Variants in SLC25A21 observed in about 807,000 individuals in gnomAD.
The protein encoded by SLC25A21 is solute carrier family 25 member 21.
Under a neutral mutation model 43.8 loss-of-function variants are expected in SLC25A21, and 47 were observed. The ratio of observed to expected loss-of-function variants is 1.07; its 90% CI spans 0.85 to 1.37. The LOEUF is 1.37. Ranked by LOEUF, SLC25A21 falls within the 40% of genes most tolerant of loss-of-function variation. The pLI is 0.00. For missense variants in SLC25A21, 352 were observed against 350.2 expected, an observed-to-expected ratio of 1.00 and a Z score of -0.04; for synonymous variants, 131 against 121.3, an observed-to-expected ratio of 1.08 and a Z score of -0.52.
intron 1 of SLC25A21, among the ~76,000 whole-genome samples, chr14:37,120,026 A>G (rs1963178971): frequency 6.6e-6 from 1 of 152,218 alleles, no homozygotes; most frequent in Non-Finnish European, 1.5e-5. Context: ...TATCAAAAGA[A>G]GAACATACTT....
At chr14:36,687,066 C>T (rs1174693561) in intron 7 of SLC25A21, among the ~76,000 whole-genome samples, 3 of 152,194 alleles carry the variant, frequency 2.0e-5, no homozygotes, top group Non-Finnish European at 4.4e-5. Context: ...ATTTTCCTGC[C>T]TCAGCCTCCT....
chr14:36,872,089 T>C (rs951101665), intron 2 of SLC25A21, among the ~76,000 whole-genome samples: 1 of 152,160 alleles, frequency 6.6e-6, no homozygotes. Flanking sequence ...GGAAAGTAAA[T>C]CTGAAAGATT....
At chr14:37,010,555 C>G (rs1168360167) in intron 1 of SLC25A21, among the ~76,000 whole-genome samples, 1 of 152,142 alleles carries the variant, frequency 6.6e-6, no homozygotes, top group African/African-American at 2.4e-5. Context: ...CCTGAAGGAG[C>G]TCAGGAGGCT....
At chr14:36,843,408 C>T (rs1223004189) in intron 2 of SLC25A21, among the ~76,000 whole-genome samples, 1 of 152,200 alleles carries the variant, frequency 6.6e-6, no homozygotes, top group African/African-American at 2.4e-5. Flanking sequence ...GGTAGCTAGT[C>T]AGTGTATTCA....
intron 1 of SLC25A21, among the ~76,000 whole-genome samples, chr14:36,933,044 G>C (rs1245754920): frequency 1.3e-5 from 2 of 152,130 alleles, no homozygotes; most frequent in Non-Finnish European, 2.9e-5. Context: ...AAAGCCTACT[G>C]TAGTTATTTT....
At chr14:36,986,559 C>A (rs75516407) in intron 1 of SLC25A21, among the ~76,000 whole-genome samples, 3,082 of 152,234 alleles carry the variant, frequency 0.02, 53 homozygotes, top group South Asian at 0.063. Context: ...TAGAACACTT[C>A]CAATGTGAGA....
rs964216102 is a variant in SLC25A21, at chr14:36,764,050, A to G, written c.204-29477T>C. Among the ~76,000 whole-genome samples, 2 of 42,544 alleles carry G rather than the reference A, an allele frequency of 4.7e-5. 1 individual carries two copies. The highest frequency in any genetic ancestry group is 2.2e-3 in the South Asian group (2 of 898). 27.9% of individuals were successfully genotyped at this position (42,544 alleles called of 152,430 possible). On this transcript the variant is annotated intron_variant, in intron 3 of 9. Transcript: ENST00000331299. ...TGAAAGAAAGAAAAAGAAAGAAAGAAAGAAAGAAAGAAAGAAAGAAAGAAA... is the reference window on the plus strand; with the variant it reads ...TGAAAGAAAGAAAAAGAAAGAAAGAGAGAAAGAAAGAAAGAAAGAAAGAAA...
intron 1 of SLC25A21, among the ~76,000 whole-genome samples, chr14:36,968,027 G>A (rs1959659256): frequency 6.6e-6 from 1 of 152,212 alleles, no homozygotes; most frequent in African/African-American, 2.4e-5. Context: ...ACTAGAAAGA[G>A]AGCAGCAGTT....
At chr14:36,947,985 G>C (rs769265857) in intron 1 of SLC25A21, among the ~76,000 whole-genome samples, 6 of 150,098 alleles carry the variant, frequency 4.0e-5, no homozygotes, top group Non-Finnish European at 8.8e-5. Context: ...CTTTTTCCTT[G>C]AAGAAGGGAC....
At chr14:36,982,176 A>C (rs1247631502) in intron 1 of SLC25A21, among the ~76,000 whole-genome samples, 1 of 152,244 alleles carries the variant, frequency 6.6e-6, no homozygotes, top group Non-Finnish European at 1.5e-5. Flanking sequence ...CAGATTTCAG[A>C]ATAGAATCAA....
intron 6 of SLC25A21, among the ~76,000 whole-genome samples, chr14:36,718,827 A>G (rs1161779844): frequency 1.3e-5 from 2 of 152,232 alleles, no homozygotes; most frequent in African/African-American, 4.8e-5. Context: ...GATCCTTAAA[A>G]TTATAATCAG....
intron 4 of SLC25A21, among the ~76,000 whole-genome samples, chr14:36,731,121 C>T (rs1203180702): frequency 1.4e-4 from 21 of 151,902 alleles, no homozygotes; most frequent in African/African-American, 3.6e-4. Flanking sequence ...TACAGGCGCC[C>T]GCTACCACGC....
intron 1 of SLC25A21, among the ~76,000 whole-genome samples, chr14:37,171,142 T>C (rs1021253458): frequency 2.3e-4 from 3 of 13,042 alleles, no homozygotes; most frequent in African/African-American, 3.0e-4. Context: ...AGGGGAGGGG[T>C]GGGGAGGGGA....
At chr14:36,811,801 A>G (rs1888277670) in intron 3 of SLC25A21, among the ~76,000 whole-genome samples, 1 of 152,252 alleles carries the variant, frequency 6.6e-6, no homozygotes, top group Non-Finnish European at 1.5e-5. Flanking sequence ...TGCACATTAA[A>G]AAATTATCAG....
Position 37,049,865 on chromosome 14 carries a change from T to C in SLC25A21, c.70+122416A>G, listed in dbSNP as rs562363458. Among the ~76,000 whole-genome samples the C allele has an allele frequency of 2.6e-5, 4 of 152,356 alleles. No individual in the cohort carries two copies. The South Asian group carries it at 8.3e-4, about 32-fold the overall frequency. On this transcript the variant is annotated intron_variant, in intron 1 of 9. Coordinates refer to ENST00000331299, the MANE Select transcript of SLC25A21 (RefSeq NM_030631.4). ...CACAAAGTATTCAAAATCTGGCATG[T>C]ATTTACACTTAAAGCACAGCTCAAT...
chr14:36,739,811 G>A (rs1039142010), intron 3 of SLC25A21, among the ~76,000 whole-genome samples: 3 of 152,056 alleles, frequency 2.0e-5, no homozygotes, highest in Admixed American at 6.6e-5. Flanking sequence ...CCCATACTCC[G>A]TGCTTAGAGA....
intron 3 of SLC25A21, among the ~76,000 whole-genome samples, chr14:36,751,993 T>C (rs547349597): frequency 2.0e-5 from 3 of 152,078 alleles, no homozygotes; most frequent in Non-Finnish European, 4.4e-5. Flanking sequence ...ATTGAGTATC[T>C]GATATGTGCC....
intron 1 of SLC25A21, among the ~76,000 whole-genome samples, chr14:37,132,496 G>T (rs1340080736): frequency 6.6e-6 from 1 of 152,166 alleles, no homozygotes; most frequent in Non-Finnish European, 1.5e-5. Flanking sequence ...AGGTAAAATA[G>T]AAAGACTTTT....
At chr14:37,102,289 T>G (rs917569752) in intron 1 of SLC25A21, among the ~76,000 whole-genome samples, 1 of 150,438 alleles carries the variant, frequency 6.6e-6, no homozygotes, top group Non-Finnish European at 1.5e-5. Context: ...AAAAATACAA[T>G]AAAAAAAGCC....
Sources: allele counts gnomAD v4.1 joint callset (sites outside exome capture counted in the v4.1 genomes callset), GRCh38; gene constraint gnomAD v4.1.1; transcripts MANE v1.5; gene names NCBI Gene and HGNC (gene_info 2026-07-23, HGNC 2026-07-21).